Variants in SPTBN5 observed in about 807,000 individuals in gnomAD.
The protein encoded by SPTBN5 is spectrin beta chain, non-erythrocytic 5.
Under a neutral mutation model 477.6 loss-of-function variants are expected in SPTBN5, and 513 were observed. The ratio of observed to expected loss-of-function variants is 1.07; its 90% CI spans 1.00 to 1.16. SPTBN5 has a LOEUF of 1.16. Among genes scored for constraint, SPTBN5 ranks in the 50% most tolerant of loss-of-function variants. SPTBN5 has a pLI of 0.00. For synonymous variants in SPTBN5, 2,169 were observed against 2,011.7 expected, an observed-to-expected ratio of 1.08 and a Z score of -2.09; for missense variants, 5,062 against 4,731.8, an observed-to-expected ratio of 1.07 and a Z score of -2.05.
At position 41,882,108 on chromosome 15, in the gene SPTBN5, C is replaced by A; in HGVS notation, c.2285G>T (p.Arg762Leu). Residue 762 changes from arginine (R) to leucine (L), a missense_variant, in exon 12 of 68, where the codon CGC becomes CTC. Physicochemically the swap from Arg to Leu is moderately radical, Grantham distance 102. Coordinates refer to ENST00000320955, the MANE Select transcript of SPTBN5 (RefSeq NM_016642.4). Reference protein sequence around the residue: ...ADAAEAASWLRERRSSLERAS... With the variant: ...ADAAEAASWLLERRSSLERAS... ...TCTCTCCAGCGAGGATCGCCGCTCG[C>A]GCAGCCACGAAGCCGCCTCCGCCGC... 1.3e-6 allele frequency: 2 copies of A among 1,573,968 alleles called. No homozygotes were observed. Among genetic ancestry groups the A allele is most frequent in the Non-Finnish European group, 1.7e-6 (2 of 1,171,124 alleles).
At chr15:41,872,532 T>C in intron 26 of SPTBN5, 73 bp from the exon 27 acceptor site, 1 of 1,465,712 alleles carries the variant, frequency 6.8e-7, no homozygotes, top group Non-Finnish European at 9.2e-7. Context: ...CCCCCACCCA[T>C]CCAGTCACCA....
rs368619531 is a variant in SPTBN5, at chr15:41,855,247, C to G, written c.9400G>C (p.Gly3134Arg). The G allele has an allele frequency of 3.1e-6, 5 of 1,612,272 alleles. No homozygotes were observed. The highest frequency in any genetic ancestry group is 4.2e-6 in the Non-Finnish European group (5 of 1,179,490). The change falls in exon 55 of 68, where the codon GGG (glycine) becomes CGG (arginine). Residue 3134 changes from glycine to arginine, a missense_variant. Gly to Arg is a moderately radical substitution (Grantham distance 125, BLOSUM62 -2). Transcript: ENST00000320955. ...ACCTTGACACCCTCCAGGTCCTGCC[C>G]GTAGTCCTGGGACTCGGCGGTGGCC... Reference protein sequence around the residue: ...KAATAESQDYGQDLEGVKVLE... With the variant: ...KAATAESQDYRQDLEGVKVLE...
Position 41,863,986 on chromosome 15 carries a change from G to T in SPTBN5, c.6957C>A (p.Asp2319Glu), listed in dbSNP as rs2066211777. The T allele has an allele frequency of 6.2e-7, 1 of 1,613,790 alleles. No individual in the cohort carries two copies. Residue 2319 changes from aspartate (D) to glutamate (E), a missense_variant, in exon 40 of 68, where the codon GAC (aspartate) becomes GAA (glutamate). Transcript: ENST00000320955. The part of the protein sequence containing the change: ...VGDACIRSIS[D>E]LSLQLKNRDP... ...CCCGGTTCTTGAGCTGCAGTGACAA[G>T]TCACTGATGCTCCTGATGCAGGCAT...
At chr15:41,867,415 A>G in intron 35 of SPTBN5, 123 bp downstream of exon 35, 1 of 985,492 alleles carries the variant, frequency 1.0e-6, no homozygotes, top group Non-Finnish European at 1.6e-6. Flanking sequence ...CCCAACCAGG[A>G]CCCCAGCCTT....
chr15:41,889,153 A>G (rs983429686), intron 4 of SPTBN5, among the ~76,000 whole-genome samples: 2 of 152,190 alleles, frequency 1.3e-5, no homozygotes, highest in African/African-American at 4.8e-5. Context: ...GGAGGTGAGT[A>G]TGGCTTCCTG....
In SPTBN5 at chr15:41,868,392, G is replaced by T; in HGVS notation, c.6057+6C>A. On this transcript the variant is annotated splice_donor_region_variant and intron_variant, in intron 33 of 67. Transcript: ENST00000320955. ...GTATGTGGGGGCACCAGGGGAGGGG[G>T]CCCACCTCCTTGGTGGGTGTCCCTG... The T allele has an allele frequency of 6.3e-7, 1 of 1,596,448 alleles. No individual in the cohort carries two copies. The highest frequency in any genetic ancestry group is 2.2e-5 in the East Asian group (1 of 44,466).
In SPTBN5 at chr15:41,848,242, T is replaced by A. The variant is rs958218730; in HGVS notation, c.*374A>T. 5 of 492,404 alleles carry A rather than the reference T, an allele frequency of 1.0e-5. No homozygotes were observed. The highest frequency in any genetic ancestry group is 9.7e-5 in the African/African-American group (5 of 51,664). The allele number at this position is 492,404 out of a possible 1,614,324, so 30.5% of individuals were successfully genotyped here. A position where few individuals can be genotyped will look rare whatever the true frequency, so the allele number is the denominator to read the frequency against. ...CAAGGGCTGGTACAGAGCTCGCTCATCAGTGTTCTTCCTCCGAAGAGCACA... is the reference window on the plus strand; with the variant it reads ...CAAGGGCTGGTACAGAGCTCGCTCAACAGTGTTCTTCCTCCGAAGAGCACA... On this transcript the variant is annotated 3_prime_UTR_variant, in exon 68 of 68. Transcript: ENST00000320955.
Position 41,853,794 on chromosome 15 carries a change from C to G in SPTBN5, c.9775-7G>C, listed in dbSNP as rs72724187. On this transcript the variant is annotated splice_polypyrimidine_tract_variant and splice_region_variant and intron_variant, in intron 57 of 67. Transcript: ENST00000320955. ...CCATAGCTTCCAGCTCTCTCTGCAA[C>G]CAGAGCATGAGATCAGGCCTCAGTC... 3.3e-5 allele frequency: 52 copies of G among 1,553,238 alleles called. No individual in the cohort carries two copies. The highest frequency in any genetic ancestry group is 4.4e-5 in the Non-Finnish European group (51 of 1,147,948).
Position 41,870,028 on chromosome 15 carries a change from A to G in SPTBN5, c.5674-8T>C. On this transcript the variant is annotated splice_region_variant and splice_polypyrimidine_tract_variant and intron_variant, in intron 31 of 67. Transcript: ENST00000320955. ...CTCCAGCAGTTCCTGCAGCTGCGGG[A>G]GGGGCAGGGAATAGGGAGGCAAGGG... The G allele has an allele frequency of 6.8e-7, 1 of 1,476,122 alleles. No individual in the cohort carries two copies. Among genetic ancestry groups the G allele is most frequent in the South Asian group, 1.4e-5 (1 of 72,012 alleles). 91.4% of individuals were successfully genotyped at this position (1,476,122 alleles called of 1,614,324 possible).
chr15:41,861,843 G>T lies in SPTBN5; in HGVS notation c.7629C>A (p.Phe2543Leu), dbSNP rs776169502. 1 of 1,607,118 alleles carries T rather than the reference G, an allele frequency of 6.2e-7. No homozygotes were observed. Among genetic ancestry groups the T allele is most frequent in the East Asian group, 2.2e-5 (1 of 44,824 alleles). Residue 2543 changes from phenylalanine to leucine, a missense_variant, in exon 45 of 68, where the codon TTC (phenylalanine) becomes TTA (leucine). Transcript: ENST00000320955. Reference protein sequence around the residue: ...GQQLLTAGHPFSSDIRQVLAG... With the variant: ...GQQLLTAGHPLSSDIRQVLAG... ...CCAGCACCTGGCGAATGTCGGAGCT[G>T]AAGGGGTGCCCCGCTGTGAGCAGTT...
At chr15:41,871,745 C>G in intron 28 of SPTBN5, 37 bp downstream of exon 28, 1 of 1,503,372 alleles carries the variant, frequency 6.7e-7, no homozygotes, top group South Asian at 1.3e-5. Context: ...TAGGCTCTGC[C>G]TCAGGGCACC....
rs1433449143 is a variant in SPTBN5 at position 41,857,493 on chromosome 15, G to C, written c.8366C>G (p.Ala2789Gly). The C allele has an allele frequency of 1.9e-6, 3 of 1,605,668 alleles. No individual in the cohort carries two copies. The African/African-American group carries it at 4.0e-5, about 21-fold the overall frequency. ...CTCCATGCTCCGCCGCAGACGCAGG[G>C]CCTAGGGTAGAAAGTGAGGTAGGCA... ...KVAKLQKACEALRLRRSMEEL... is the reference protein window; with the variant it reads ...KVAKLQKACEGLRLRRSMEEL... Residue 2789 changes from alanine to glycine, a missense_variant and splice_region_variant, in exon 51 of 68, where the codon GCC becomes GGC. Transcript: ENST00000320955.
At chr15:41,856,298 C>A in intron 53 of SPTBN5, 88 bp downstream of exon 53, 5 of 1,256,310 alleles carry the variant, frequency 4.0e-6, no homozygotes, top group Non-Finnish European at 5.3e-6. Context: ...GAAAGGTGCC[C>A]AGGCCAGGAG....
Position 41,875,467 on chromosome 15 carries a change from C to T in SPTBN5, c.4278G>A (p.Arg1426=), listed in dbSNP as rs370733062. The T allele has an allele frequency of 5.4e-5, 87 of 1,611,904 alleles. No homozygotes were observed. The highest frequency in any genetic ancestry group is 7.1e-5 in the Non-Finnish European group (84 of 1,179,446). The change falls in exon 22 of 68, where the codon AGG becomes AGA. Residue 1426 remains arginine (R), a synonymous_variant. Coordinates refer to ENST00000320955, the MANE Select transcript of SPTBN5 (RefSeq NM_016642.4). ...QQAGQQEQLL[R]QLQDAKEQLE... is the part of the protein sequence containing the mutation. ...CCTCTTCCCAGTGGACCTGCAGCTGCCTCAGGAGTTGCTCCTGCTGTCCAG... is the reference window on the plus strand; with the variant it reads ...CCTCTTCCCAGTGGACCTGCAGCTGTCTCAGGAGTTGCTCCTGCTGTCCAG...
rs1186636970 is a variant in SPTBN5, at chr15:41,856,967, GA to G, written c.8693del (p.Phe2898SerfsTer28). The G allele has an allele frequency of 2.5e-6, 4 of 1,598,796 alleles. No individual in the cohort carries two copies. The highest frequency in any genetic ancestry group is 3.4e-6 in the Non-Finnish European group (4 of 1,173,520). On this transcript the variant is annotated frameshift_variant, in exon 52 of 68. Transcript: ENST00000320955. LOFTEE classifies it high-confidence loss of function. ...CCATTTCCTCGTCGGCGTCCCTGAA[GA>G]ACTTCAAGAGGAGGCTCCGGGCCTC... ...ALEARSLLLK[F>X]FRDADEEMAW...
At chr15:41,862,727 C>G (rs901259048) in intron 42 of SPTBN5, 63 bp downstream of exon 42, 1 of 1,542,014 alleles carries the variant, frequency 6.5e-7, no homozygotes, top group African/African-American at 1.4e-5. Context: ...CCCTCCTCCC[C>G]ACTTGTGCCC....
intron 16 of SPTBN5, among the ~76,000 whole-genome samples, chr15:41,879,039 C>T (rs1197681): frequency 0.098 from 14,859 of 152,046 alleles, 1,095 homozygotes; most frequent in African/African-American, 0.2. Context: ...GCACTCAGCC[C>T]GGGCGACAGA....
Position 41,883,447 on chromosome 15 carries a change from C to A in SPTBN5, c.1560G>T (p.Gln520His). 6.2e-7 allele frequency: 1 copy of A among 1,613,972 alleles called. No homozygotes were observed. Among genetic ancestry groups the A allele is most frequent in the Non-Finnish European group, 8.5e-7 (1 of 1,179,878 alleles). Reference protein sequence around the residue: ...EVTVRWQRLLQHLQGQRKQVA... With the variant: ...EVTVRWQRLLHHLQGQRKQVA... ...CCTGCTTCCTCTGTCCCTGTAGATG[C>A]TGAAGGAGCCTCTGCCAGCGCACGG... The change falls in exon 8 of 68, where the codon CAG becomes CAT. Residue 520 changes from glutamine (Q) to histidine (H), a missense_variant. By Grantham distance (24) the Gln-to-His change is conservative (BLOSUM62 0). Coordinates refer to ENST00000320955, the MANE Select transcript of SPTBN5 (RefSeq NM_016642.4).
Position 41,849,853 on chromosome 15 carries a change from C to A in SPTBN5, c.11012+16G>T, listed in dbSNP as rs764739140. 1.9e-6 allele frequency: 3 copies of A among 1,552,538 alleles called. No homozygotes were observed. In the South Asian group the frequency reaches 3.6e-5, roughly 18 times the overall value. ...CCAGGGCTCCCCGCCCTGCTTCCCCCACCCAGGTGTCCCACCTGAGTAGAC... is the reference window on the plus strand; with the variant it reads ...CCAGGGCTCCCCGCCCTGCTTCCCCAACCCAGGTGTCCCACCTGAGTAGAC... On this transcript the variant is annotated intron_variant, in intron 67 of 67. Transcript: ENST00000320955.
Sources: gnomAD v4.1 joint callset for allele counts (sites outside exome capture counted in the v4.1 genomes callset) on GRCh38, gnomAD v4.1.1 for gene constraint, MANE v1.5 for transcripts, NCBI Gene and HGNC (gene_info 2026-07-23, HGNC 2026-07-21) for gene names.